NT5C1B: variants seen among roughly 807,000 people sequenced by gnomAD.
NT5C1B encodes the protein 5'-nucleotidase, cytosolic IB, also known as cytosolic 5'-nucleotidase 1B.
Under a neutral mutation model 57.8 loss-of-function variants are expected in NT5C1B, and 44 were observed. The observed-to-expected ratio is 0.76, with a 90% CI of 0.60 to 0.98. NT5C1B has a LOEUF of 0.98. Ranked by LOEUF, NT5C1B falls within the 50% of genes least tolerant of loss-of-function variation. NT5C1B has a pLI of 0.00. For missense variants in NT5C1B, 742 were observed against 719.5 expected (o/e 1.03, Z -0.36); for synonymous variants, 284 against 282.6 (o/e 1.00, Z -0.05).
chr2:18,589,390 A>G (rs1410533809), intron 1 of NT5C1B, 49 bp downstream of exon 1: 1 of 1,612,920 alleles, frequency 6.2e-7, no homozygotes, highest in Non-Finnish European at 8.5e-7. Flanking sequence ...ACTGATATCC[A>G]CATTTCTTCA....
intron 8 of NT5C1B, among the ~76,000 whole-genome samples, chr2:18,575,663 A>C (rs549870243): frequency 2.4e-3 from 371 of 152,280 alleles, no homozygotes; most frequent in African/African-American, 8.8e-3. Context: ...ATCCAAAACA[A>C]TCTAAATATT....
At chr2:18,583,260 G>C in intron 5 of NT5C1B, 2 of 294,408 alleles carry the variant, frequency 6.8e-6, no homozygotes, top group Non-Finnish European at 1.2e-5. Flanking sequence ...ATTATCTCTG[G>C]GGGACAGGTA....
rs567870792 is a variant in NT5C1B, at chr2:18,576,264, AC to A, written c.1248del (p.Glu416AspfsTer31). The A allele has an allele frequency of 1.4e-4, 225 of 1,613,662 alleles. No homozygotes were observed. The highest frequency in any genetic ancestry group is 1.8e-4 in the Non-Finnish European group (213 of 1,179,832). ...CCATGCTCCTTGGTAAAATGTTCAG[AC>A]TCATCAGAGAAGAGGACAGCATCCC... On this transcript the variant is annotated frameshift_variant, in exon 8 of 9. Coordinates refer to ENST00000304081, the Ensembl canonical transcript of NT5C1B. LOFTEE classifies it high-confidence loss of function.
At chr2:18,575,902 C>A (rs944921884) in intron 8 of NT5C1B, among the ~76,000 whole-genome samples, 1 of 152,048 alleles carries the variant, frequency 6.6e-6, no homozygotes, top group African/African-American at 2.4e-5. Context: ...TCCTGTTACT[C>A]CCAATTGGGA....
intron 6 of NT5C1B, among the ~76,000 whole-genome samples, chr2:18,581,893 A>C (rs561992413): frequency 5.3e-5 from 8 of 152,344 alleles, no homozygotes; most frequent in African/African-American, 1.9e-4. Flanking sequence ...ACAAGGCTGC[A>C]TGAGAAGGTT....
intron 8 of NT5C1B, among the ~76,000 whole-genome samples, chr2:18,564,763 G>T (rs182023233): frequency 8.6e-5 from 13 of 151,976 alleles, no homozygotes; most frequent in Admixed American, 3.3e-4. Flanking sequence ...TCTGTCTTAT[G>T]GTTTTTATTG....
chr2:18,565,758 T>C (rs1007481194), intron 8 of NT5C1B, among the ~76,000 whole-genome samples: 3 of 152,306 alleles, frequency 2.0e-5, no homozygotes, highest in African/African-American at 7.2e-5. Flanking sequence ...TTTGATAATT[T>C]AGCAGTTTTT....
intron 6 of NT5C1B, among the ~76,000 whole-genome samples, chr2:18,578,486 T>C (rs1665900383): frequency 6.6e-6 from 1 of 152,054 alleles, no homozygotes; most frequent in Admixed American, 6.5e-5. Flanking sequence ...ATAAATGTGA[T>C]TCATCAAATA....
At chr2:18,587,710 G>A (rs948511279) in intron 1 of NT5C1B, 118 bp from the exon 2 acceptor site, 33 of 1,184,872 alleles carry the variant, frequency 2.8e-5, no homozygotes, top group Admixed American at 1.3e-4. Flanking sequence ...AATATAAAAA[G>A]GTATAAACTC....
In NT5C1B at chr2:18,587,496, A is replaced by G. The variant is rs1285251038; in HGVS notation, c.120+7T>C. ...TTTCCTCACCTCTGCTACAGAGATC[A>G]GCTCACCTGATTGCTCAGACGAACT... On this transcript the variant is annotated splice_region_variant and intron_variant, in intron 2 of 8. Coordinates refer to ENST00000304081, the Ensembl canonical transcript of NT5C1B. The G allele has an allele frequency of 3.7e-6, 6 of 1,612,918 alleles. No homozygotes were observed. The highest frequency in any genetic ancestry group is 5.1e-6 in the Non-Finnish European group (6 of 1,179,902).
intron 1 of NT5C1B, among the ~76,000 whole-genome samples, chr2:18,588,060 A>C (rs1007121441): frequency 6.6e-6 from 1 of 152,172 alleles, no homozygotes; most frequent in Non-Finnish European, 1.5e-5. Flanking sequence ...TTTGATTTCT[A>C]AATATAAGGA....
At position 18,587,449 on chromosome 2, in the gene NT5C1B, CATT is replaced by C; in HGVS notation, c.120+51_120+53del. On this transcript the variant is annotated intron_variant, in intron 2 of 8. Coordinates refer to ENST00000304081, the Ensembl canonical transcript of NT5C1B. ...GAACTCCCTGCCCCCTAACATTTTC[CATT>C]ATGCTTTCTGCTCCTTAATTTCCTC... The C allele has an allele frequency of 3.8e-6, 6 of 1,599,580 alleles. No homozygotes were observed. In the South Asian group the frequency reaches 5.7e-5, roughly 15 times the overall value.
intron 8 of NT5C1B, among the ~76,000 whole-genome samples, chr2:18,572,076 ACT>A (rs1321600014): frequency 1.0e-5 from 1 of 97,880 alleles, no homozygotes; most frequent in Non-Finnish European, 2.1e-5. Flanking sequence ...ACAGAGCGAG[ACT>A]CTGTCAAAAA....
chr2:18,564,782 A>C (rs1423141593), intron 8 of NT5C1B, among the ~76,000 whole-genome samples: 1 of 152,140 alleles, frequency 6.6e-6, no homozygotes, highest in African/African-American at 2.4e-5. Flanking sequence ...TGCATTTTCC[A>C]TGTTTTAAAA....
chr2:18,573,747 T>A (rs1393455593), intron 8 of NT5C1B, among the ~76,000 whole-genome samples: 1 of 152,164 alleles, frequency 6.6e-6, no homozygotes, highest in African/African-American at 2.4e-5. Flanking sequence ...TCATACATTC[T>A]TTCTCATCAG....
chr2:18,584,929 A>C lies in NT5C1B; in HGVS notation c.308T>G (p.Leu103Arg). 1 of 1,537,036 alleles carries C rather than the reference A, an allele frequency of 6.5e-7. No homozygotes were observed. The highest frequency in any genetic ancestry group is 8.7e-7 in the Non-Finnish European group (1 of 1,148,692). The change falls in exon 4 of 9, where the codon CTG (leucine) becomes CGG (arginine). Residue 103 changes from leucine to arginine, a missense_variant. Physicochemically the swap from Leu to Arg is moderately radical, Grantham distance 102. Transcript: ENST00000304081. The surrounding 1 kb of genome is among the most constrained non-coding windows in gnomAD (Gnocchi z 5.8). ...CAGCGGCGGCGGTGAGGAGTCATGC[A>C]GGCTTGGGGAGGTGGATGGAGTCCG...
intron 7 of NT5C1B, 36 bp downstream of exon 7, chr2:18,576,737 T>C (rs1471062155): frequency 1.2e-6 from 2 of 1,610,530 alleles, no homozygotes; most frequent in Admixed American, 1.7e-5. Flanking sequence ...AGTGTAAACC[T>C]CTTTATTAAC....
exon 2 of NT5C1B, chr2:18,587,504 T>G: frequency 6.2e-7 from 1 of 1,613,684 alleles, no homozygotes; most frequent in Middle Eastern, 1.7e-4. Flanking sequence ...TCAGCTCACC[T>G]GATTGCTCAG....
chr2:18,568,911 C>T (rs1214911406), intron 8 of NT5C1B, among the ~76,000 whole-genome samples: 3 of 152,234 alleles, frequency 2.0e-5, no homozygotes, highest in Non-Finnish European at 4.4e-5. Flanking sequence ...AAACTGTGCT[C>T]TGACCACCTT....
Sources: allele counts gnomAD v4.1 joint callset (sites outside exome capture counted in the v4.1 genomes callset), GRCh38; gene constraint gnomAD v4.1.1; non-coding constraint Gnocchi (gnomAD v3.1); transcripts MANE v1.5; gene names NCBI Gene and HGNC (gene_info 2026-07-23, HGNC 2026-07-21).